Variants in CHST8 observed in about 807,000 individuals in gnomAD.
CHST8 encodes carbohydrate sulfotransferase 8, also known as GALNAC-4-ST1.
A neutral mutation model predicts 15.0 loss-of-function variants in CHST8; 10 were observed. That is an observed-to-expected ratio of 0.67 (90% CI 0.41 to 1.13). The LOEUF is 1.13. Ranked by LOEUF, CHST8 falls within the 50% of genes most tolerant of loss-of-function variation. The probability of loss-of-function intolerance (pLI) is 0.00; values close to 1 mark genes in which losing one functional copy is unlikely to be tolerated. For missense variants in CHST8, 634 were observed against 608.2 expected (o/e 1.04, Z -0.45); for synonymous variants, 259 against 256.6 (o/e 1.01, Z -0.09).
intron 2 of CHST8, chr19:33,685,112 G>A (rs1972953655): frequency 1.3e-5 from 2 of 152,242 alleles, no homozygotes; most frequent in African/African-American, 4.8e-5. Flanking sequence ...CAGCTGAGGG[G>A]AGCGTCCAGG....
intron 2 of CHST8, among the ~76,000 whole-genome samples, chr19:33,686,978 T>A (rs1167575399): frequency 2.0e-5 from 3 of 152,352 alleles, no homozygotes; most frequent in Non-Finnish European, 4.4e-5. Context: ...TTCTTCCTGG[T>A]CCCCATCTGA....
chr19:33,767,245 G>C (rs1409882570), intron 3 of CHST8, among the ~76,000 whole-genome samples: 1 of 152,252 alleles, frequency 6.6e-6, no homozygotes, highest in African/African-American at 2.4e-5. Flanking sequence ...CTGACCAAAA[G>C]GCTGCTCCCC....
At chr19:33,700,811 C>T (rs1321362247) in intron 3 of CHST8, among the ~76,000 whole-genome samples, 1 of 152,138 alleles carries the variant, frequency 6.6e-6, no homozygotes, top group Non-Finnish European at 1.5e-5. Context: ...AGGGACACAC[C>T]CACACTGTGC....
In CHST8 at chr19:33,681,319, T is replaced by C. The variant is rs567026185; in HGVS notation, c.-86-7857T>C. ...ACATCAGAAAGAACCTGAGAACAGT[T>C]TTCAGTTTGACACTTGCAGTGTGGC... is the stretch of plus-strand genomic sequence containing the variant. On this transcript the variant is annotated intron_variant, in intron 2 of 4. Coordinates refer to ENST00000650847, the MANE Select transcript of CHST8 (RefSeq NM_001127895.2). Among the ~76,000 whole-genome samples the C allele has an allele frequency of 5.3e-5, 8 of 152,252 alleles. No homozygotes were observed. The South Asian group carries it at 1.7e-3, about 32-fold the overall frequency.
intron 3 of CHST8, among the ~76,000 whole-genome samples, chr19:33,725,086 T>C (rs1238069801): frequency 2.0e-5 from 3 of 152,112 alleles, no homozygotes; most frequent in South Asian, 2.1e-4. Context: ...GGCGCTGTTA[T>C]GAGGGACATG....
chr19:33,645,186 G>A (rs887093794), intron 1 of CHST8, among the ~76,000 whole-genome samples: 2 of 152,146 alleles, frequency 1.3e-5, no homozygotes, highest in South Asian at 2.1e-4. Context: ...TGAAAGGAAC[G>A]GCGAGGAAGT....
chr19:33,728,124 T>C (rs771308428), intron 3 of CHST8, among the ~76,000 whole-genome samples: 11 of 152,252 alleles, frequency 7.2e-5, no homozygotes, highest in Non-Finnish European at 1.6e-4. Context: ...CCAGAGCACA[T>C]GTTAGTTTTT....
intron 3 of CHST8, among the ~76,000 whole-genome samples, chr19:33,718,779 T>C (rs1973717835): frequency 6.6e-6 from 1 of 152,094 alleles, no homozygotes; most frequent in African/African-American, 2.4e-5. Flanking sequence ...GAGGAGGGTG[T>C]TGAGGCAGCT....
At chr19:33,628,230 A>AGAGG (rs925452421) in intron 1 of CHST8, among the ~76,000 whole-genome samples, 1 of 152,154 alleles carries the variant, frequency 6.6e-6, no homozygotes, top group African/African-American at 2.4e-5. Context: ...GGAATGTGTG[A>AGAGG]GAGGGCATGA....
At chr19:33,696,746 A>G (rs1216607697) in intron 3 of CHST8, among the ~76,000 whole-genome samples, 2 of 151,888 alleles carry the variant, frequency 1.3e-5, no homozygotes, top group Non-Finnish European at 2.9e-5. Context: ...GAATCTCCAC[A>G]CTGTTTCCCA....
intron 1 of CHST8, among the ~76,000 whole-genome samples, chr19:33,665,944 G>C (rs73589065): frequency 0.02 from 3,055 of 152,326 alleles, 96 homozygotes; most frequent in African/African-American, 0.068. Flanking sequence ...GTTTGGGAGG[G>C]GACAAGTGGT....
At chr19:33,695,821 C>CTTTTTTTTTTTTTTTTTTTT (rs55695414) in intron 3 of CHST8, among the ~76,000 whole-genome samples, 1 of 76,232 alleles carries the variant, frequency 1.3e-5, no homozygotes. Flanking sequence ...TTCTTTCTTT[C>CTTTTTTTTTTTTTTTTTTTT]TTTTTTTTTT....
At chr19:33,634,972 C>A (rs1972174098) in intron 1 of CHST8, among the ~76,000 whole-genome samples, 1 of 152,168 alleles carries the variant, frequency 6.6e-6, no homozygotes, top group Non-Finnish European at 1.5e-5. Flanking sequence ...GCCGTGCCCC[C>A]AGCAGCCTTG....
At chr19:33,761,591 A>G (rs1363561401) in intron 3 of CHST8, among the ~76,000 whole-genome samples, 2 of 151,968 alleles carry the variant, frequency 1.3e-5, no homozygotes, top group African/African-American at 2.4e-5. Context: ...TCAGCCTCCC[A>G]AAGTGCTGGG....
intron 2 of CHST8, chr19:33,684,731 C>G (rs1972944694): frequency 1.8e-5 from 2 of 108,216 alleles, no homozygotes; most frequent in African/African-American, 5.8e-5. Context: ...ACCGATCGAT[C>G]GGCGACGAGC....
At chr19:33,697,901 C>G (rs1319136857) in intron 3 of CHST8, among the ~76,000 whole-genome samples, 3 of 152,328 alleles carry the variant, frequency 2.0e-5, no homozygotes, top group Non-Finnish European at 4.4e-5. Flanking sequence ...CCAGCAGGCC[C>G]TTGCAGTGTG....
At chr19:33,627,158 T>C (rs1349191557) in intron 1 of CHST8, among the ~76,000 whole-genome samples, 2 of 149,426 alleles carry the variant, frequency 1.3e-5, no homozygotes, top group African/African-American at 4.9e-5. Flanking sequence ...GAGTGTACAG[T>C]GGTGTGATCT....
chr19:33,739,112 T>C (rs537249250), intron 3 of CHST8, among the ~76,000 whole-genome samples: 53 of 152,296 alleles, frequency 3.5e-4, no homozygotes, highest in South Asian at 8.3e-4. Context: ...TTAACTTGAC[T>C]CTGCATCCAT....
chr19:33,677,479 T>C (rs1972825130), intron 2 of CHST8, among the ~76,000 whole-genome samples: 2 of 152,116 alleles, frequency 1.3e-5, no homozygotes, highest in Non-Finnish European at 1.5e-5. Context: ...TATGGAAAGA[T>C]GGTGAGACCG....
Sources: allele counts gnomAD v4.1 joint callset (sites outside exome capture counted in the v4.1 genomes callset), GRCh38; gene constraint gnomAD v4.1.1; transcripts MANE v1.5; gene names NCBI Gene and HGNC (gene_info 2026-07-23, HGNC 2026-07-21).